HECTD4: variants seen among roughly 807,000 people sequenced by gnomAD.
HECTD4 encodes the protein HECT domain E3 ubiquitin protein ligase 4.
Under a neutral mutation model 471.5 loss-of-function variants are expected in HECTD4, and 114 were observed. The ratio of observed to expected loss-of-function variants is 0.24; its 90% confidence interval spans 0.21 to 0.28. The LOEUF (loss-of-function observed/expected upper bound fraction) is 0.28. HECTD4 is among the 10% of genes least tolerant of loss of function. HECTD4 has a pLI of 1.00. For missense variants in HECTD4, 3,866 were observed against 5,651.5 expected (o/e 0.68, Z 10.13); for synonymous variants, 2,012 against 2,256.0 (o/e 0.89, Z 3.07).
intron 18 of HECTD4, among the ~76,000 whole-genome samples, chr12:112,259,476 A>G: frequency 6.7e-6 from 1 of 149,608 alleles, no homozygotes; most frequent in Non-Finnish European, 1.5e-5. Flanking sequence ...AATAGATTTC[A>G]CCTTCAGTCT....
chr12:112,313,085 A>C lies in HECTD4; in HGVS notation c.848T>G (p.Val283Gly). 1 of 1,535,744 alleles carries C rather than the reference A, an allele frequency of 6.5e-7. No individual in the cohort carries two copies. The highest frequency in any genetic ancestry group is 8.7e-7 in the Non-Finnish European group (1 of 1,146,700). The change falls in exon 4 of 76, where the codon GTA becomes GGA. Residue 283 changes from valine (V) to glycine (G), a missense_variant. Transcript: ENST00000682272. Reference sequence around the variant, plus strand: ...CAACATGTCTTCATAACCCCATGATACTATGTGTTTGCCCCCAAGCAAACA... The same window carrying C: ...CAACATGTCTTCATAACCCCATGATCCTATGTGTTTGCCCCCAAGCAAACA... ...PSCLLGGKHI[V>G]SWGYEDMLPA... is the part of the protein sequence containing the mutation.
At chr12:112,176,266 G>A (rs565612009) in intron 65 of HECTD4, among the ~76,000 whole-genome samples, 3 of 152,248 alleles carry the variant, frequency 2.0e-5, no homozygotes, top group Non-Finnish European at 4.4e-5. Context: ...AGAACAAAGC[G>A]TCCATGCAGA....
Position 112,216,390 on chromosome 12 carries a change from A to C in HECTD4, c.7386-19T>G, listed in dbSNP as rs1385295983. ...GCCGTTGCTATGAAAAATACAAAGA[A>C]GGGAGGTCAAAGACAAGAAAGATAA... On this transcript the variant is annotated intron_variant, in intron 47 of 75. Coordinates refer to ENST00000682272, the MANE Select transcript of HECTD4 (RefSeq NM_001388303.1). The C allele has an allele frequency of 1.3e-6, 2 of 1,520,716 alleles. No individual in the cohort carries two copies. The highest frequency in any genetic ancestry group is 2.0e-5 in the Admixed American group (1 of 50,946). 94.2% of individuals were successfully genotyped at this position (1,520,716 alleles called of 1,614,324 possible).
At chr12:112,338,355 G>T (rs2035995397) in intron 1 of HECTD4, among the ~76,000 whole-genome samples, 1 of 152,194 alleles carries the variant, frequency 6.6e-6, no homozygotes. Context: ...CGGGCACAGT[G>T]GCTCACGCCT....
intron 11 of HECTD4, among the ~76,000 whole-genome samples, chr12:112,271,932 A>G (rs1454752407): frequency 1.3e-5 from 2 of 152,194 alleles, no homozygotes; most frequent in Non-Finnish European, 2.9e-5. Flanking sequence ...CTTTAAAGTC[A>G]TCAGTCCAAC....
rs569516489 is a variant in HECTD4, at chr12:112,259,283, A to G, written c.2874-18T>C. On this transcript the variant is annotated intron_variant, in intron 18 of 75. Coordinates refer to ENST00000682272, the MANE Select transcript of HECTD4 (RefSeq NM_001388303.1). ...CTTTTAACCTACAAAAAGTTCAAGA[A>G]AAACACACAGCCTAAGCAATGCCCA... 1 of 1,613,302 alleles carries G rather than the reference A, an allele frequency of 6.2e-7. No individual in the cohort carries two copies. Among genetic ancestry groups the G allele is most frequent in the South Asian group, 1.1e-5 (1 of 90,942 alleles).
At chr12:112,378,995 T>C (rs1281397265) in intron 1 of HECTD4, among the ~76,000 whole-genome samples, 1 of 152,096 alleles carries the variant, frequency 6.6e-6, no homozygotes, top group Non-Finnish European at 1.5e-5. Flanking sequence ...TGAGCTGAGA[T>C]TGTGCCACTG....
At chr12:112,250,083 T>C (rs750816629) in intron 25 of HECTD4, 61 bp downstream of exon 25, 4 of 1,171,266 alleles carry the variant, frequency 3.4e-6, no homozygotes, top group Non-Finnish European at 5.0e-6. Context: ...AATATACCCA[T>C]TTCAATTGTT....
chr12:112,295,107 C>A (rs1283066511), intron 7 of HECTD4, among the ~76,000 whole-genome samples: 1 of 150,884 alleles, frequency 6.6e-6, no homozygotes, highest in Non-Finnish European at 1.5e-5. Context: ...GAGTTCGAGG[C>A]TAGCCGAGGC....
chr12:112,374,438 A>C (rs1361871760), intron 1 of HECTD4, among the ~76,000 whole-genome samples: 1 of 152,238 alleles, frequency 6.6e-6, no homozygotes, highest in Non-Finnish European at 1.5e-5. Flanking sequence ...TTTAACTTCA[A>C]GGCAATACTG....
chr12:112,219,241 C>T (rs562249262), intron 45 of HECTD4, 145 bp downstream of exon 45: 3 of 477,538 alleles, frequency 6.3e-6, no homozygotes, highest in Admixed American at 3.9e-5. Flanking sequence ...AGCATGGCAC[C>T]GCAAAGAGGG....
chr12:112,333,652 G>A (rs185003014), intron 1 of HECTD4, among the ~76,000 whole-genome samples: 19 of 152,046 alleles, frequency 1.2e-4, no homozygotes, highest in East Asian at 7.7e-4. Flanking sequence ...GTTCAAGACC[G>A]GGGCAACAGA....
At chr12:112,343,944 T>A (rs1031061052) in intron 1 of HECTD4, among the ~76,000 whole-genome samples, 4 of 152,144 alleles carry the variant, frequency 2.6e-5, no homozygotes, top group African/African-American at 9.7e-5. Context: ...ATAACAACAT[T>A]GATGTTTTTA....
chr12:112,281,938 T>C (rs1566097726), intron 8 of HECTD4, among the ~76,000 whole-genome samples: 1 of 152,204 alleles, frequency 6.6e-6, no homozygotes, highest in Admixed American at 6.5e-5. Flanking sequence ...TATGGAATAA[T>C]GGTTCTTAAT....
intron 2 of HECTD4, among the ~76,000 whole-genome samples, chr12:112,315,069 A>G (rs1260945375): frequency 6.6e-6 from 1 of 152,236 alleles, no homozygotes; most frequent in East Asian, 1.9e-4. Flanking sequence ...CTGACTGCAC[A>G]TAGTTGTAAT....
At chr12:112,349,313 C>T (rs1446618807) in intron 1 of HECTD4, among the ~76,000 whole-genome samples, 2 of 142,076 alleles carry the variant, frequency 1.4e-5, no homozygotes, top group African/African-American at 5.3e-5. Flanking sequence ...CGCTTGAACC[C>T]AGGAGGCAGA....
chr12:112,203,780 G>GT lies in HECTD4; in HGVS notation c.8270-9dup. Reference sequence around the variant, plus strand: ...GGGTTACTACTGTGAGACCTGAGGAGTGTAGAGGGAGAAGTTTTTCAGGAA... The same window carrying GT: ...GGGTTACTACTGTGAGACCTGAGGAGTTGTAGAGGGAGAAGTTTTTCAGGAA... On this transcript the variant is annotated splice_polypyrimidine_tract_variant and intron_variant, in intron 53 of 75. Coordinates refer to ENST00000682272, the MANE Select transcript of HECTD4 (RefSeq NM_001388303.1). The GT allele has an allele frequency of 6.5e-7, 1 of 1,548,410 alleles. No individual in the cohort carries two copies. Among genetic ancestry groups the GT allele is most frequent in the Non-Finnish European group, 8.7e-7 (1 of 1,143,322 alleles).
At chr12:112,219,639 G>C (rs972497416) in intron 44 of HECTD4, 150 bp from the exon 45 acceptor site, 1 of 525,324 alleles carries the variant, frequency 1.9e-6, no homozygotes, top group Non-Finnish European at 3.3e-6. Context: ...TCGTTCTATT[G>C]CCCAGGCTGG....
chr12:112,319,327 A>G lies in HECTD4; in HGVS notation c.593T>C (p.Leu198Ser), dbSNP rs2035542916. Residue 198 changes from leucine (L) to serine (S), a missense_variant, in exon 2 of 76, where the codon TTG becomes TCG. Leu to Ser is a moderately radical substitution (Grantham distance 145). Transcript: ENST00000682272. The surrounding 1 kb of genome is among the most constrained non-coding windows in gnomAD (Gnocchi z 5.3). ...PADCLNGIET[L>S]LCSWLEETSD... ...AGTCTCCTCTAGCCAAGAGCACAGC[A>G]AAGTTTCAATTCCATTGAGACAGTC... 2.0e-6 allele frequency: 3 copies of G among 1,536,040 alleles called. No individual in the cohort carries two copies. The highest frequency in any genetic ancestry group is 2.4e-5 in the South Asian group (2 of 84,070).
Sources: gnomAD v4.1 joint callset for allele counts (sites outside exome capture counted in the v4.1 genomes callset) on GRCh38, gnomAD v4.1.1 for gene constraint, Gnocchi (gnomAD v3.1) non-coding constraint, MANE v1.5 for transcripts, NCBI Gene and HGNC (gene_info 2026-07-23, HGNC 2026-07-21) for gene names.